Variants in LRRC7 observed in about 807,000 individuals in gnomAD.
The protein encoded by LRRC7 is leucine-rich repeat-containing protein 7.
A neutral mutation model predicts 175.7 loss-of-function variants in LRRC7; 23 were observed. The observed-to-expected ratio is 0.13, with a 90% CI of 0.09 to 0.19. The LOEUF (loss-of-function observed/expected upper bound fraction) is 0.19. Ranked by LOEUF, LRRC7 falls within the 10% of genes least tolerant of loss-of-function variation. The pLI is 1.00. For missense variants in LRRC7, 1,354 were observed against 1,904.7 expected, an observed-to-expected ratio of 0.71 and a Z score of 5.38; for synonymous variants, 685 against 680.9, an observed-to-expected ratio of 1.01 and a Z score of -0.09.
intron 7 of LRRC7, among the ~76,000 whole-genome samples, chr1:69,858,027 A>G (rs1033830021): frequency 2.6e-5 from 4 of 152,222 alleles, no homozygotes; most frequent in Non-Finnish European, 5.9e-5. Context: ...TCCCTATTTA[A>G]TAAATGGTGC....
rs138170624 is a variant in LRRC7 at position 69,670,846 on chromosome 1, C to T, written c.3-7535C>T. ...CTACCATCAATATTCCCTTAAGGCT[C>T]AAGGGCTCTTTATTCAGTTTGTGGT... On this transcript the variant is annotated intron_variant, in intron 1 of 26. Coordinates refer to ENST00000651989, the MANE Select transcript of LRRC7 (RefSeq NM_001370785.2). Among the ~76,000 whole-genome samples the T allele has an allele frequency of 5.8e-3, 889 of 152,196 alleles. 9 individuals carry two copies. The highest frequency in any genetic ancestry group is 0.02 in the African/African-American group (848 of 41,538).
At chr1:69,725,529 G>A (rs1666856721) in intron 2 of LRRC7, among the ~76,000 whole-genome samples, 1 of 152,160 alleles carries the variant, frequency 6.6e-6, no homozygotes, top group South Asian at 2.1e-4. Context: ...GCATTTATAT[G>A]GGCAGAAATT....
rs199709176 is a variant in LRRC7, at chr1:70,121,914, G to C, written c.*27G>C. The C allele has an allele frequency of 1.4e-6, 2 of 1,475,474 alleles. No homozygotes were observed. The highest frequency in any genetic ancestry group is 1.9e-6 in the Non-Finnish European group (2 of 1,061,130). 91.4% of individuals were successfully genotyped at this position (1,475,474 alleles called of 1,614,324 possible). On this transcript the variant is annotated 3_prime_UTR_variant, in exon 27 of 27. Transcript: ENST00000651989. Reference sequence around the variant, plus strand: ...TATTTTTTATAAATAGTGAAGATACGTCTAGCCAGACCTAATGTTCAAAAA... The same window carrying C: ...TATTTTTTATAAATAGTGAAGATACCTCTAGCCAGACCTAATGTTCAAAAA...
intron 7 of LRRC7, among the ~76,000 whole-genome samples, chr1:69,869,139 C>A (rs1400181857): frequency 1.3e-5 from 2 of 151,932 alleles, no homozygotes; most frequent in Non-Finnish European, 2.9e-5. Flanking sequence ...GGTTAAATTT[C>A]ATTTGGTAAT....
At chr1:69,699,709 C>A (rs1663096061) in intron 2 of LRRC7, among the ~76,000 whole-genome samples, 1 of 151,338 alleles carries the variant, frequency 6.6e-6, no homozygotes, top group Admixed American at 6.9e-5. Flanking sequence ...CTTTACTGAA[C>A]AGGGCCAAAG....
intron 5 of LRRC7, among the ~76,000 whole-genome samples, chr1:69,830,633 G>A (rs1161245593): frequency 6.6e-6 from 1 of 151,680 alleles, no homozygotes; most frequent in Non-Finnish European, 1.5e-5. Context: ...CTAAATCTAT[G>A]AACAGAATCC....
intron 26 of LRRC7, among the ~76,000 whole-genome samples, chr1:70,121,317 T>C (rs1260572899): frequency 6.6e-6 from 1 of 152,024 alleles, no homozygotes; most frequent in African/African-American, 2.4e-5. Flanking sequence ...TTCCAGTGAG[T>C]CAAAATAAGA....
Position 69,708,756 on chromosome 1 carries a change from G to A in LRRC7, c.100+30278G>A, listed in dbSNP as rs536215725. On this transcript the variant is annotated intron_variant, in intron 2 of 26. Transcript: ENST00000651989. ...TTGGTACAACTCTGCTCCATATGTCGCTCATATTCCTCCTAGGGCCAGTGG... is the reference window on the plus strand; with the variant it reads ...TTGGTACAACTCTGCTCCATATGTCACTCATATTCCTCCTAGGGCCAGTGG... 1.7e-4 allele frequency among the ~76,000 whole-genome samples: 26 copies of A among 152,176 alleles called. 1 individual carries two copies. The highest frequency in any genetic ancestry group is 5.8e-4 in the East Asian group (3 of 5,160).
At chr1:69,687,520 C>CAAAAAAAAAAAAAAAAACAA (rs1661307853) in intron 2 of LRRC7, among the ~76,000 whole-genome samples, 1 of 96,890 alleles carries the variant, frequency 1.0e-5, no homozygotes, top group Non-Finnish European at 1.9e-5. Context: ...AAGAAAAAAC[C>CAAAAAAAAAAAAAAAAACAA]AAAAAAAAAA....
intron 26 of LRRC7, among the ~76,000 whole-genome samples, chr1:70,112,267 G>A (rs1257811523): frequency 6.6e-6 from 1 of 152,106 alleles, no homozygotes; most frequent in African/African-American, 2.4e-5. Context: ...TTTTTGGTAA[G>A]TTGTTCAGCT....
intron 2 of LRRC7, among the ~76,000 whole-genome samples, chr1:69,683,353 C>A (rs1660735003): frequency 6.6e-6 from 1 of 152,112 alleles, no homozygotes; most frequent in Admixed American, 6.6e-5. Context: ...GGCTTTCCTG[C>A]ATACTGTTAG....
intron 24 of LRRC7, among the ~76,000 whole-genome samples, chr1:70,076,666 C>T (rs1166211014): frequency 6.6e-6 from 1 of 152,170 alleles, no homozygotes; most frequent in East Asian, 1.9e-4. Flanking sequence ...GCTGTTGAAA[C>T]CTTCAGTGTG....
chr1:69,620,814 T>C (rs1010891406), intron 1 of LRRC7, among the ~76,000 whole-genome samples: 8 of 152,200 alleles, frequency 5.3e-5, no homozygotes, highest in African/African-American at 1.9e-4. Context: ...ATGCACTTTG[T>C]TGAACCCTAA....
chr1:69,809,873 G>A (rs143567913), intron 4 of LRRC7, among the ~76,000 whole-genome samples: 1,857 of 152,234 alleles, frequency 0.012, 23 homozygotes, highest in Middle Eastern at 0.024. Context: ...AGACAAGAAT[G>A]CCCTCTCTCA....
chr1:69,781,745 G>A (rs1010840484), intron 3 of LRRC7, among the ~76,000 whole-genome samples: 44 of 40,302 alleles, frequency 1.1e-3, no homozygotes, highest in East Asian at 7.8e-3. Flanking sequence ...GAGAGAGAGA[G>A]AGAGAGAGAG....
intron 7 of LRRC7, among the ~76,000 whole-genome samples, chr1:69,894,116 T>C (rs6670169): frequency 0.14 from 21,706 of 152,264 alleles, 2,280 homozygotes; most frequent in African/African-American, 0.3. Context: ...TTATTTTACC[T>C]AATCTAGGGA....
intron 8 of LRRC7, among the ~76,000 whole-genome samples, chr1:69,943,989 A>ACACACAC (rs1557916223): frequency 7.2e-6 from 1 of 138,170 alleles, no homozygotes; most frequent in Non-Finnish European, 1.6e-5. Context: ...CACACACACA[A>ACACACAC]CATGAGATTT....
chr1:69,891,486 C>G (rs1364315880), intron 7 of LRRC7, among the ~76,000 whole-genome samples: 2 of 152,172 alleles, frequency 1.3e-5, no homozygotes, highest in Non-Finnish European at 2.9e-5. Flanking sequence ...AATCCAAGCA[C>G]TTTGGGAGGC....
At chr1:69,586,987 A>T (rs1180553187) in intron 1 of LRRC7, among the ~76,000 whole-genome samples, 1 of 152,148 alleles carries the variant, frequency 6.6e-6, no homozygotes, top group Non-Finnish European at 1.5e-5. Flanking sequence ...TGACATTTGT[A>T]GAGGTTTTTT....
Sources: gnomAD v4.1 joint callset for allele counts (sites outside exome capture counted in the v4.1 genomes callset) on GRCh38, gnomAD v4.1.1 for gene constraint, MANE v1.5 for transcripts, NCBI Gene and HGNC (gene_info 2026-07-23, HGNC 2026-07-21) for gene names.